The following FARP1 variants were observed in gnomAD, a reference collection of about 807,000 sequenced individuals.
FARP1 encodes FERM, ARHGEF and pleckstrin domain-containing protein 1.
FARP1 carries 52 observed loss-of-function variants against 128.8 expected under a neutral mutation model. The observed-to-expected ratio is 0.40, with a 90% confidence interval of 0.32 to 0.51. FARP1 has a LOEUF of 0.51. FARP1 is among the 20% of genes least tolerant of loss of function. The pLI is 0.45. For synonymous variants in FARP1, 580 were observed against 551.8 expected (o/e 1.05, Z -0.72); for missense variants, 1,333 against 1,367.9 (o/e 0.97, Z 0.40).
intron 1 of FARP1, among the ~76,000 whole-genome samples, chr13:98,201,243 G>C (rs1879923470): frequency 6.6e-6 from 1 of 152,204 alleles, no homozygotes. Flanking sequence ...GGGAGTTCAA[G>C]ACCAGCCTGG....
At chr13:98,437,903 C>T (rs1892347215) in intron 19 of FARP1, 1 of 1,199,834 alleles carries the variant, frequency 8.3e-7, no homozygotes, top group South Asian at 1.2e-5. Flanking sequence ...CAGATGATCC[C>T]CTGATTCTTG....
chr13:98,178,107 G>A (rs1029767153), intron 1 of FARP1, among the ~76,000 whole-genome samples: 7 of 151,178 alleles, frequency 4.6e-5, no homozygotes, highest in Non-Finnish European at 7.4e-5. Context: ...ATATTATCAA[G>A]CACTTATTGT....
Position 98,390,837 on chromosome 13 carries a change from G to T in FARP1, c.1045G>T (p.Asp349Tyr). The change falls in exon 11 of 27, where the codon GAC becomes TAC. Residue 349 changes from aspartate (D) to tyrosine (Y), a missense_variant. Physicochemically the swap from Asp to Tyr is radical, Grantham distance 160 (BLOSUM62 -3). Transcript: ENST00000319562. ...FSGRTQKQVLDYVKEGGHKKV... is the reference protein window; with the variant it reads ...FSGRTQKQVLYYVKEGGHKKV... ...TGGTCGGACTCAGAAGCAGGTTCTC[G>T]ACTATGTTAAAGAAGGAGGACATAA... 1 of 1,613,674 alleles carries T rather than the reference G, an allele frequency of 6.2e-7. No individual in the cohort carries two copies. The highest frequency in any genetic ancestry group is 1.1e-5 in the South Asian group (1 of 90,972).
Position 98,176,910 on chromosome 13 carries a change from C to A in FARP1, c.-24+33418C>A. ...TGTCCTGCTCGAAGTCAGCGGTGGC[C>A]CCCATGTCCTCTGGCCCCACAGGCT... On this transcript the variant is annotated intron_variant, in intron 1 of 26. Coordinates refer to ENST00000319562, the MANE Select transcript of FARP1 (RefSeq NM_005766.4). This position sits in a 1 kb window ranked among gnomAD's most constrained non-coding sequence, Gnocchi z 6.2. The A allele has an allele frequency of 6.2e-7, 1 of 1,605,492 alleles. No homozygotes were observed.
chr13:98,165,964 C>T (rs1320353036), intron 1 of FARP1, among the ~76,000 whole-genome samples: 1 of 151,968 alleles, frequency 6.6e-6, no homozygotes, highest in Admixed American at 6.6e-5. Context: ...AGGTGATCCA[C>T]CTGCCTTGGC....
intron 16 of FARP1, 49 bp from the exon 17 acceptor site, chr13:98,424,523 A>T (rs770582662): frequency 4.2e-6 from 5 of 1,201,650 alleles, no homozygotes; most frequent in Admixed American, 1.7e-5. Context: ...CAGGGCTGTC[A>T]TGTCACTACT....
At chr13:98,382,196 A>T (rs1889911362) in intron 6 of FARP1, 1 of 152,204 alleles carries the variant, frequency 6.6e-6, no homozygotes, top group Admixed American at 6.5e-5. Context: ...ACCGCACCCC[A>T]GCCTGAGTGA....
chr13:98,225,013 G>T (rs1814305193), intron 2 of FARP1, among the ~76,000 whole-genome samples: 1 of 152,132 alleles, frequency 6.6e-6, no homozygotes, highest in Non-Finnish European at 1.5e-5. Context: ...TCAGTCCTGG[G>T]ATTCACAGAC....
chr13:98,377,098 C>G (rs1172918364), intron 5 of FARP1, among the ~76,000 whole-genome samples: 1 of 151,804 alleles, frequency 6.6e-6, no homozygotes, highest in South Asian at 2.1e-4. Context: ...GTCAAGAGAT[C>G]GAGACCATCC....
intron 24 of FARP1, 98 bp from the exon 25 acceptor site, chr13:98,446,000 A>G: frequency 2.6e-6 from 2 of 782,890 alleles, no homozygotes; most frequent in Non-Finnish European, 4.3e-6. Flanking sequence ...AGTCACGGAC[A>G]TGCCCCAGCC....
intron 3 of FARP1, among the ~76,000 whole-genome samples, chr13:98,355,268 C>T (rs1471906774): frequency 6.6e-6 from 1 of 152,040 alleles, no homozygotes; most frequent in Non-Finnish European, 1.5e-5. Context: ...ATCACTTGAA[C>T]CCAGAAGGTA....
At chr13:98,415,879 C>G (rs1891356448) in intron 16 of FARP1, among the ~76,000 whole-genome samples, 1 of 152,240 alleles carries the variant, frequency 6.6e-6, no homozygotes, top group African/African-American at 2.4e-5. Context: ...CACACCCCCG[C>G]CATGGGGCTG....
At chr13:98,155,102 T>G (rs1451611884) in intron 1 of FARP1, among the ~76,000 whole-genome samples, 1 of 152,108 alleles carries the variant, frequency 6.6e-6, no homozygotes, top group African/African-American at 2.4e-5. Flanking sequence ...ATCCCAGCAC[T>G]TTGGGAGGCC....
At chr13:98,390,477 T>C in intron 10 of FARP1, 1 of 431,364 alleles carries the variant, frequency 2.3e-6, no homozygotes, top group Non-Finnish European at 4.1e-6. Context: ...TTGTCTGCCA[T>C]GTGTCAAATA....
chr13:98,299,962 C>A (rs572983819), intron 2 of FARP1, among the ~76,000 whole-genome samples: 4 of 152,302 alleles, frequency 2.6e-5, no homozygotes, highest in African/African-American at 9.6e-5. Flanking sequence ...ATCAGGGGGA[C>A]TGAAATGCTA....
chr13:98,389,884 G>T (rs968402900), intron 9 of FARP1, 73 bp from the exon 10 acceptor site: 2 of 1,430,032 alleles, frequency 1.4e-6, no homozygotes, highest in African/African-American at 1.4e-5. Context: ...GCTATCTTCT[G>T]CCCCTTTTCT....
chr13:98,166,522 G>A (rs926131695), intron 1 of FARP1, among the ~76,000 whole-genome samples: 1 of 152,082 alleles, frequency 6.6e-6, no homozygotes, highest in Non-Finnish European at 1.5e-5. Context: ...TTGCTGATGA[G>A]GAAACTGAGG....
chr13:98,402,288 G>C (rs1250536572), intron 13 of FARP1: 1 of 152,440 alleles, frequency 6.6e-6, no homozygotes, highest in African/African-American at 2.4e-5. Flanking sequence ...AGGAGGGAGC[G>C]AGGACTACCG....
chr13:98,411,560 T>A (rs534455835), intron 15 of FARP1, among the ~76,000 whole-genome samples: 3 of 152,350 alleles, frequency 2.0e-5, no homozygotes, highest in Non-Finnish European at 4.4e-5. Flanking sequence ...AAGCACAGAA[T>A]ATTCAGTGGT....
Sources: allele counts gnomAD v4.1 joint callset (sites outside exome capture counted in the v4.1 genomes callset), GRCh38; gene constraint gnomAD v4.1.1; non-coding constraint Gnocchi (gnomAD v3.1); transcripts MANE v1.5; gene names NCBI Gene and HGNC (gene_info 2026-07-23, HGNC 2026-07-21).